The following PAX3 variants were observed in gnomAD, a reference collection of about 807,000 sequenced individuals.
PAX3 encodes paired box 3.
In PAX3, 14 loss-of-function variants were observed where a neutral mutation model predicts 51.6. The observed-to-expected ratio is 0.27, with a 90% CI of 0.18 to 0.42. The LOEUF (loss-of-function observed/expected upper bound fraction) is 0.42. Among genes scored for constraint, PAX3 ranks in the 10% least tolerant of loss-of-function variants. PAX3 has a pLI of 1.00. For synonymous variants in PAX3, 280 were observed against 253.4 expected, an observed-to-expected ratio of 1.11 and a Z score of -1.00; for missense variants, 540 against 642.8, an observed-to-expected ratio of 0.84 and a Z score of 1.73.
At chr2:222,281,724 A>C (rs148123230) in intron 4 of PAX3, among the ~76,000 whole-genome samples, 1 of 152,260 alleles carries the variant, frequency 6.6e-6, no homozygotes, top group Non-Finnish European at 1.5e-5. Flanking sequence ...CAGATGCCAC[A>C]AACTATGAGC....
chr2:222,251,775 T>C (rs537103721), intron 4 of PAX3, among the ~76,000 whole-genome samples: 13 of 152,306 alleles, frequency 8.5e-5, no homozygotes, highest in Admixed American at 7.8e-4. Context: ...GCACCTGTTG[T>C]TTCCTGACTT....
intron 4 of PAX3, among the ~76,000 whole-genome samples, chr2:222,290,526 G>A (rs1465317358): frequency 6.6e-6 from 1 of 152,186 alleles, no homozygotes; most frequent in Non-Finnish European, 1.5e-5. Flanking sequence ...TTATGAGAGT[G>A]TATCGCCAGT....
At chr2:222,293,631 C>T in intron 4 of PAX3, 1 of 1,613,666 alleles carries the variant, frequency 6.2e-7, no homozygotes, top group Non-Finnish European at 8.5e-7. Context: ...ACAAATCAAA[C>T]CAGTCAACAC....
intron 4 of PAX3, among the ~76,000 whole-genome samples, chr2:222,292,517 G>C (rs758427941): frequency 5.9e-5 from 9 of 152,242 alleles, no homozygotes; most frequent in African/African-American, 1.2e-4. Context: ...TCAGTCGCCT[G>C]TACTGCGAGA....
chr2:222,277,534 G>A (rs1694465337), intron 4 of PAX3, among the ~76,000 whole-genome samples: 1 of 152,002 alleles, frequency 6.6e-6, no homozygotes, highest in Admixed American at 6.6e-5. Context: ...AGTCCAATAG[G>A]AACACAAGAT....
intron 4 of PAX3, among the ~76,000 whole-genome samples, chr2:222,279,675 T>A (rs1269743567): frequency 1.3e-5 from 2 of 152,232 alleles, no homozygotes; most frequent in African/African-American, 4.8e-5. Flanking sequence ...AAGATAGTCA[T>A]TGTCTTACTT....
At chr2:222,226,126 T>C (rs1042584521) in intron 5 of PAX3, among the ~76,000 whole-genome samples, 1 of 152,108 alleles carries the variant, frequency 6.6e-6, no homozygotes, top group African/African-American at 2.4e-5. Context: ...CAAATGCAAT[T>C]TGAAAAATGG....
chr2:222,204,912 A>G (rs1691446458), intron 7 of PAX3, among the ~76,000 whole-genome samples: 1 of 152,178 alleles, frequency 6.6e-6, no homozygotes, highest in Non-Finnish European at 1.5e-5. Context: ...TTTATTCAAA[A>G]CATGCACACT....
At chr2:222,279,154 G>A (rs535208795) in intron 4 of PAX3, among the ~76,000 whole-genome samples, 8 of 152,196 alleles carry the variant, frequency 5.3e-5, no homozygotes, top group South Asian at 2.1e-4. Flanking sequence ...CGGTTTCACC[G>A]TGCTGGCTAG....
intron 7 of PAX3, among the ~76,000 whole-genome samples, chr2:222,213,182 A>C (rs2106056104): frequency 6.6e-6 from 1 of 152,172 alleles, no homozygotes; most frequent in South Asian, 2.1e-4. Flanking sequence ...TAAAAAGGAG[A>C]TTTGGGCCAG....
At chr2:222,209,740 A>AAAAAAAAAAAAAAAAAAAAAAC (rs1559255382) in intron 7 of PAX3, among the ~76,000 whole-genome samples, 1 of 109,564 alleles carries the variant, frequency 9.1e-6, no homozygotes, top group Non-Finnish European at 1.9e-5. Flanking sequence ...AAAAAAAAAA[A>AAAAAAAAAAAAAAAAAAAAAAC]AATTAGCTGG....
At chr2:222,250,155 T>C (rs1693372837) in intron 4 of PAX3, among the ~76,000 whole-genome samples, 1 of 152,198 alleles carries the variant, frequency 6.6e-6, no homozygotes, top group Non-Finnish European at 1.5e-5. Context: ...CATCACTCTG[T>C]TTCCTCCATG....
At chr2:222,220,766 G>A (rs1190886660) in intron 6 of PAX3, among the ~76,000 whole-genome samples, 3 of 152,208 alleles carry the variant, frequency 2.0e-5, no homozygotes, top group Admixed American at 2.0e-4. Flanking sequence ...TGCCTGGAAT[G>A]TTCTTTCATA....
chr2:222,207,896 A>G (rs1449002110), intron 7 of PAX3, among the ~76,000 whole-genome samples: 1 of 151,938 alleles, frequency 6.6e-6, no homozygotes, highest in African/African-American at 2.4e-5. Flanking sequence ...TTTTTAAAAA[A>G]CCATTGTGAA....
At chr2:222,270,273 C>T (rs766672484) in intron 4 of PAX3, among the ~76,000 whole-genome samples, 1 of 152,216 alleles carries the variant, frequency 6.6e-6, no homozygotes, top group Non-Finnish European at 1.5e-5. Context: ...ATCCTTGGTG[C>T]TCAGCTACAA....
At chr2:222,274,123 C>T (rs1013368552) in intron 4 of PAX3, among the ~76,000 whole-genome samples, 4 of 152,160 alleles carry the variant, frequency 2.6e-5, no homozygotes, top group Non-Finnish European at 5.9e-5. Context: ...CCTCTCCTCT[C>T]AAATGCAACA....
rs1379853208 is a variant in PAX3 at position 222,290,926 on chromosome 2, GA to G, written c.586+3240del. Among the ~76,000 whole-genome samples, 152 of 142,100 alleles carry G rather than the reference GA, an allele frequency of 1.1e-3. 1 individual carries two copies. Among genetic ancestry groups the G allele is most frequent in the African/African-American group, 2.0e-3 (78 of 38,916 alleles). The allele number at this position is 142,100 out of a possible 152,430, so 93.2% of individuals were successfully genotyped here. A position where few individuals can be genotyped will look rare whatever the true frequency, so the allele number is the denominator to read the frequency against. The stretch of plus-strand genomic sequence containing the variant: ...CTAATGTGAGCCTCAGGCAAGGGAG[GA>G]AAAAAAAAAAGAGGAGAAGAAGGGG... On this transcript the variant is annotated intron_variant, in intron 4 of 8. Transcript: ENST00000392070.
chr2:222,231,127 TC>T (rs535520324), intron 5 of PAX3, among the ~76,000 whole-genome samples: 157 of 152,262 alleles, frequency 1.0e-3, no homozygotes, highest in Non-Finnish European at 1.6e-3. Flanking sequence ...TCTGTAAAAT[TC>T]TGTAATAGGA....
chr2:222,286,741 C>T (rs1483002771), intron 4 of PAX3, among the ~76,000 whole-genome samples: 1 of 152,156 alleles, frequency 6.6e-6, no homozygotes, highest in Non-Finnish European at 1.5e-5. Flanking sequence ...TTCAAAGACA[C>T]ATGGCCACTT....
Sources: gnomAD v4.1 joint callset for allele counts (sites outside exome capture counted in the v4.1 genomes callset) on GRCh38, gnomAD v4.1.1 for gene constraint, MANE v1.5 for transcripts, NCBI Gene and HGNC (gene_info 2026-07-23, HGNC 2026-07-21) for gene names.